CHSY1: variants seen among roughly 807,000 people sequenced by gnomAD.
CHSY1 encodes the protein chondroitin sulfate synthase 1.
Under a neutral mutation model 59.8 loss-of-function variants are expected in CHSY1, and 13 were observed. The ratio of observed to expected loss-of-function variants is 0.22; its 90% confidence interval spans 0.14 to 0.35. The LOEUF (loss-of-function observed/expected upper bound fraction) is 0.35, where lower values mean the gene tolerates loss of function less well. Ranked by LOEUF, CHSY1 falls within the 10% of genes least tolerant of loss-of-function variation. CHSY1 has a pLI of 1.00. For synonymous variants in CHSY1, 459 were observed against 401.2 expected, an observed-to-expected ratio of 1.14 and a Z score of -1.72; for missense variants, 947 against 1,030.6, an observed-to-expected ratio of 0.92 and a Z score of 1.11.
At chr15:101,179,835 C>T (rs977796315) in intron 2 of CHSY1, among the ~76,000 whole-genome samples, 12 of 152,218 alleles carry the variant, frequency 7.9e-5, no homozygotes, top group Admixed American at 5.9e-4. Flanking sequence ...GGGCCATCAG[C>T]CAAAATGGGT....
rs747884510 is a variant in CHSY1 at position 101,177,653 on chromosome 15, C to G, written c.2144G>C (p.Gly715Ala). The G allele has an allele frequency of 1.2e-6, 2 of 1,614,068 alleles. No homozygotes were observed. The highest frequency in any genetic ancestry group is 8.5e-7 in the Non-Finnish European group (1 of 1,180,038). The stretch of plus-strand genomic sequence containing the variant: ...AAGGTCCACATCCTCCAGCCCCCAG[C>G]CTTGGATGGAAACATCAAAGCCACC... ...RVGGFDVSIQ[G>A]WGLEDVDLFN... Residue 715 changes from glycine (G) to alanine (A), a missense_variant, in exon 3 of 3, where the codon GGC becomes GCC. Gly to Ala is a moderately conservative substitution (Grantham distance 60, BLOSUM62 0). Coordinates refer to ENST00000254190, the MANE Select transcript of CHSY1 (RefSeq NM_014918.5).
intron 2 of CHSY1, among the ~76,000 whole-genome samples, chr15:101,233,515 A>G (rs1305597446): frequency 6.6e-6 from 1 of 152,218 alleles, no homozygotes; most frequent in Non-Finnish European, 1.5e-5. Flanking sequence ...GGAAAAATGC[A>G]GAAATATTGC....
At chr15:101,226,414 T>A (rs150854860) in intron 2 of CHSY1, among the ~76,000 whole-genome samples, 1 of 152,252 alleles carries the variant, frequency 6.6e-6, no homozygotes, top group African/African-American at 2.4e-5. Flanking sequence ...GAAATTAAGG[T>A]TCAGGGGAGT....
In CHSY1 at chr15:101,191,663, G is replaced by A. The variant is rs981859627; in HGVS notation, c.817-12683C>T. On this transcript the variant is annotated intron_variant, in intron 2 of 2. Transcript: ENST00000254190. ...GTCCATATTGGGGGAGACTGTGCAC[G>A]TGTAGGGGCAGGCGCCACTTGGGAA... is the stretch of plus-strand genomic sequence containing the variant. Among the ~76,000 whole-genome samples the A allele has an allele frequency of 7.9e-5, 12 of 152,270 alleles. No homozygotes were observed. The South Asian group carries it at 8.3e-4, about 11-fold the overall frequency.
chr15:101,209,662 G>A (rs1380410355), intron 2 of CHSY1, among the ~76,000 whole-genome samples: 3 of 152,178 alleles, frequency 2.0e-5, no homozygotes, highest in Admixed American at 6.5e-5. Flanking sequence ...AGTCAGCAGA[G>A]GAGGAGAAAG....
chr15:101,247,679 G>A (rs745650256), intron 1 of CHSY1, among the ~76,000 whole-genome samples: 4 of 152,160 alleles, frequency 2.6e-5, no homozygotes, highest in Non-Finnish European at 5.9e-5. Context: ...TACATTTTGA[G>A]TTTTGTCTCG....
At chr15:101,241,868 C>G (rs2039005505) in intron 1 of CHSY1, among the ~76,000 whole-genome samples, 1 of 152,072 alleles carries the variant, frequency 6.6e-6, no homozygotes, top group Non-Finnish European at 1.5e-5. Context: ...ATCCCAGGAC[C>G]CCAAAATCCA....
At chr15:101,248,444 G>A (rs897725719) in intron 1 of CHSY1, among the ~76,000 whole-genome samples, 15 of 152,198 alleles carry the variant, frequency 9.9e-5, no homozygotes, top group African/African-American at 3.4e-4. Context: ...CAGGCTCCAT[G>A]CACTCTGACT....
At chr15:101,249,508 G>A (rs936397686) in intron 1 of CHSY1, among the ~76,000 whole-genome samples, 1 of 114,000 alleles carries the variant, frequency 8.8e-6, no homozygotes, top group Non-Finnish European at 1.7e-5. Context: ...TCGATAGATA[G>A]AATTTTTTTT....
chr15:101,189,747 G>A (rs1160203595), intron 2 of CHSY1, among the ~76,000 whole-genome samples: 3 of 152,232 alleles, frequency 2.0e-5, no homozygotes, highest in East Asian at 1.9e-4. Flanking sequence ...ATTCAACGCC[G>A]TGTTAACGTA....
chr15:101,249,871 C>T (rs565383068), intron 1 of CHSY1, among the ~76,000 whole-genome samples: 1 of 152,308 alleles, frequency 6.6e-6, no homozygotes, highest in East Asian at 1.9e-4. Flanking sequence ...CACTCAGGAC[C>T]CTTCCTGGCG....
At chr15:101,245,329 C>G (rs748787917) in intron 1 of CHSY1, among the ~76,000 whole-genome samples, 2 of 152,162 alleles carry the variant, frequency 1.3e-5, no homozygotes, top group African/African-American at 2.4e-5. Context: ...GTCTCTGCCT[C>G]AAAAACACCT....
chr15:101,239,899 G>A (rs755409384), intron 1 of CHSY1, among the ~76,000 whole-genome samples: 1 of 152,158 alleles, frequency 6.6e-6, no homozygotes, highest in Non-Finnish European at 1.5e-5. Flanking sequence ...ACCCCACCAG[G>A]AAGAACACAG....
chr15:101,247,206 T>G (rs970785246), intron 1 of CHSY1, among the ~76,000 whole-genome samples: 12 of 152,126 alleles, frequency 7.9e-5, no homozygotes, highest in Non-Finnish European at 1.5e-4. Context: ...TTCTTGGCTT[T>G]CTTTCTTTTA....
chr15:101,239,352 G>T (rs889619137), intron 1 of CHSY1, among the ~76,000 whole-genome samples: 3 of 152,238 alleles, frequency 2.0e-5, no homozygotes, highest in African/African-American at 7.2e-5. Flanking sequence ...TTTGGGAGAT[G>T]GGGTGGGCGA....
intron 1 of CHSY1, among the ~76,000 whole-genome samples, chr15:101,241,997 A>G (rs1420523924): frequency 6.6e-6 from 1 of 152,248 alleles, no homozygotes; most frequent in Non-Finnish European, 1.5e-5. Context: ...TGTAAATGCT[A>G]TGTAAATAGT....
At chr15:101,180,304 A>G (rs545011190) in intron 2 of CHSY1, among the ~76,000 whole-genome samples, 26 of 152,332 alleles carry the variant, frequency 1.7e-4, no homozygotes, top group African/African-American at 6.3e-4. Flanking sequence ...CCGGTCTTAG[A>G]GCAAGAATTA....
At chr15:101,240,837 A>G (rs759804560) in intron 1 of CHSY1, among the ~76,000 whole-genome samples, 11 of 152,136 alleles carry the variant, frequency 7.2e-5, no homozygotes, top group Admixed American at 6.5e-5. Flanking sequence ...CATAGTCTCC[A>G]TTTCCATTCA....
At chr15:101,207,363 C>G (rs1274437873) in intron 2 of CHSY1, among the ~76,000 whole-genome samples, 2 of 152,224 alleles carry the variant, frequency 1.3e-5, no homozygotes, top group Non-Finnish European at 2.9e-5. Flanking sequence ...CAACTAACAA[C>G]AGTATTTTAA....
Sources: gnomAD v4.1 joint callset for allele counts (sites outside exome capture counted in the v4.1 genomes callset) on GRCh38, gnomAD v4.1.1 for gene constraint, MANE v1.5 for transcripts, NCBI Gene and HGNC (gene_info 2026-07-23, HGNC 2026-07-21) for gene names.